The following SYNE1 variants were observed in gnomAD, a reference collection of about 807,000 sequenced individuals.
The protein encoded by SYNE1 is spectrin repeat containing nuclear envelope protein 1, also known as nesprin-1.
Under a neutral mutation model 1,111.0 loss-of-function variants are expected in SYNE1, and 616 were observed. The observed-to-expected ratio is 0.55, with a 90% CI of 0.52 to 0.59. The LOEUF is 0.59. SYNE1 is among the 20% of genes least tolerant of loss of function. The pLI is 0.00. For missense variants in SYNE1, 10,006 were observed against 10,417.0 expected (o/e 0.96, Z 1.72); for synonymous variants, 3,855 against 3,825.8 (o/e 1.01, Z -0.28).
Position 152,310,732 on chromosome 6 carries a change from G to T in SYNE1, c.16852C>A (p.Gln5618Lys). 6.2e-7 allele frequency: 1 copy of T among 1,612,908 alleles called. No individual in the cohort carries two copies. The highest frequency in any genetic ancestry group is 8.5e-7 in the Non-Finnish European group (1 of 1,179,890). Reference sequence around the variant, plus strand: ...TTCTGCAAACGAATTTTGATCATCTGTCGCAACTCCTCAGTCTCCCGTCCC... The same window carrying T: ...TTCTGCAAACGAATTTTGATCATCTTTCGCAACTCCTCAGTCTCCCGTCCC... ...ELGRETEELRQMIKIRLQNLQ... is the reference protein window; with the variant it reads ...ELGRETEELRKMIKIRLQNLQ... The change falls in exon 88 of 146, where the codon CAG (glutamine) becomes AAG (lysine). Residue 5618 changes from glutamine to lysine, a missense_variant. Physicochemically the swap from Gln to Lys is moderately conservative, Grantham distance 53. This residue lies in a region of SYNE1 where 4,955 missense variants were observed against 5,017.2 expected (regional missense o/e 0.99). Transcript: ENST00000367255.
intron 121 of SYNE1, 102 bp downstream of exon 121, chr6:152,218,155 G>C (rs1285799031): frequency 7.3e-7 from 1 of 1,367,742 alleles, no homozygotes; most frequent in East Asian, 2.3e-5. Context: ...TCACACCACG[G>C]CACTCCAGCT....
At chr6:152,604,710 C>T (rs1395715308) in intron 3 of SYNE1, among the ~76,000 whole-genome samples, 1 of 151,700 alleles carries the variant, frequency 6.6e-6, no homozygotes, top group Non-Finnish European at 1.5e-5. Context: ...GAAGTCAAGG[C>T]AGGCGGATCA....
chr6:152,167,645 C>T (rs2063946074), intron 130 of SYNE1: 1 of 439,848 alleles, frequency 2.3e-6, no homozygotes, highest in South Asian at 1.8e-5. Flanking sequence ...CTCAAACACA[C>T]AGCATTTTCT....
In SYNE1 at chr6:152,299,173, A is replaced by G. The variant is rs1224400589; in HGVS notation, c.17682+1468T>C. Among the ~76,000 whole-genome samples, 5 of 152,320 alleles carry G rather than the reference A, an allele frequency of 3.3e-5. No homozygotes were observed. The East Asian group carries it at 5.8e-4, about 18-fold the overall frequency. ...GGAGATTTACAGTTTTAGAAAAGGT[A>G]TATTTTTTCCACAAAGTCTCAAATA... On this transcript the variant is annotated intron_variant, in intron 93 of 145. Transcript: ENST00000367255.
chr6:152,627,380 C>T (rs564792680), intron 3 of SYNE1, among the ~76,000 whole-genome samples: 43 of 151,788 alleles, frequency 2.8e-4, no homozygotes, highest in East Asian at 2.7e-3. Context: ...CAGCCGGGCA[C>T]GGTGGCTCAT....
intron 47 of SYNE1, among the ~76,000 whole-genome samples, chr6:152,400,876 A>T (rs951066913): frequency 6.6e-6 from 1 of 151,890 alleles, no homozygotes; most frequent in Non-Finnish European, 1.5e-5. Context: ...AGAAAAAAAA[A>T]CTTTGAACAA....
intron 39 of SYNE1, among the ~76,000 whole-genome samples, chr6:152,420,657 T>A (rs2098243649): frequency 6.6e-6 from 1 of 152,090 alleles, no homozygotes; most frequent in Non-Finnish European, 1.5e-5. Flanking sequence ...TAAAAATACA[T>A]TCGTGAGATT....
chr6:152,352,059 A>C lies in SYNE1; in HGVS notation c.11548T>G (p.Tyr3850Asp), dbSNP rs775553324. ...HVPEEPKMEL[Y>D]EKKAQLSKYK... Reference sequence around the variant, plus strand: ...TTAGATAACTGAGCTTTTTTCTCATATAATTCCATTTTGGGTTCTTCAGGA... The same window carrying C: ...TTAGATAACTGAGCTTTTTTCTCATCTAATTCCATTTTGGGTTCTTCAGGA... Residue 3850 changes from tyrosine (Y) to aspartate (D), a missense_variant, in exon 70 of 146, where the codon TAT (tyrosine) becomes GAT (aspartate). Physicochemically the swap from Tyr to Asp is radical, Grantham distance 160. Around this residue, in one of 7 missense-constraint regions of SYNE1, gnomAD observed 4,955 missense variants for 5,017.2 expected, o/e 0.99. Coordinates refer to ENST00000367255, the MANE Select transcript of SYNE1 (RefSeq NM_182961.4). 5.6e-6 allele frequency: 9 copies of C among 1,614,206 alleles called. No homozygotes were observed. Among genetic ancestry groups the C allele is most frequent in the African/African-American group, 1.3e-5 (1 of 75,068 alleles).
At chr6:152,243,859 G>C (rs17082381) in intron 106 of SYNE1, among the ~76,000 whole-genome samples, 16,416 of 152,124 alleles carry the variant, frequency 0.11, 1,084 homozygotes, top group African/African-American at 0.17. Context: ...TTGCCTAGTT[G>C]ATGCTAAATT....
intron 134 of SYNE1, 128 bp from the exon 135 acceptor site, chr6:152,151,818 TC>T (rs1296166511): frequency 1.3e-6 from 2 of 1,486,862 alleles, no homozygotes; most frequent in Admixed American, 2.0e-5. Flanking sequence ...AAGCCTGCAA[TC>T]CTTTGCTATA....
Position 152,544,634 on chromosome 6 carries a change from G to A in SYNE1, c.68-4613C>T, listed in dbSNP as rs186797167. 2.3e-3 allele frequency among the ~76,000 whole-genome samples: 356 copies of A among 152,194 alleles called. 1 individual carries two copies. The highest frequency in any genetic ancestry group is 0.014 in the Middle Eastern group (4 of 292). ...TTTCTCAGTGTTTTGCCATTTCAGG[G>A]CAAGATCATGACATACAACAAATGC... On this transcript the variant is annotated intron_variant, in intron 3 of 145. Coordinates refer to ENST00000367255, the MANE Select transcript of SYNE1 (RefSeq NM_182961.4).
chr6:152,198,495 G>A (rs1023885550), intron 127 of SYNE1, among the ~76,000 whole-genome samples: 1 of 152,168 alleles, frequency 6.6e-6, no homozygotes, highest in Non-Finnish European at 1.5e-5. Context: ...TTCACAACCT[G>A]GCTGTTTGTG....
intron 145 of SYNE1, chr6:152,125,408 G>C (rs1195221475): frequency 3.6e-5 from 54 of 1,509,770 alleles, no homozygotes; most frequent in Non-Finnish European, 4.8e-5. Context: ...GTGTGGACGT[G>C]GGGACATTTT....
chr6:152,405,836 T>A (rs958908246), intron 45 of SYNE1, among the ~76,000 whole-genome samples: 2 of 152,186 alleles, frequency 1.3e-5, no homozygotes, highest in African/African-American at 4.8e-5. Context: ...TAATAAAACA[T>A]TTAGAATGTT....
chr6:152,463,999 A>G (rs2098749975), intron 18 of SYNE1, among the ~76,000 whole-genome samples: 1 of 152,126 alleles, frequency 6.6e-6, no homozygotes, highest in African/African-American at 2.4e-5. Flanking sequence ...TTCCTTTTTA[A>G]AGAAAGAATA....
chr6:152,201,473 C>CTT (rs199617709), intron 127 of SYNE1, among the ~76,000 whole-genome samples: 1 of 140,488 alleles, frequency 7.1e-6, no homozygotes, highest in African/African-American at 2.6e-5. Context: ...GCTGTTGATC[C>CTT]TTTTTTTTTT....
chr6:152,255,673 C>A lies in SYNE1; in HGVS notation c.19178G>T (p.Trp6393Leu), dbSNP rs1399501361. Reference protein sequence around the residue: ...LYDGVSATSTWLDDVEERLFV... With the variant: ...LYDGVSATSTLLDDVEERLFV... ...TAAACGTTCTTCAACGTCATCCAAC[C>A]AAGTAGAGGTGGCTGAGACTCCATC... Residue 6393 changes from tryptophan to leucine, a missense_variant, in exon 103 of 146, where the codon TGG becomes TTG. By Grantham distance (61) the Trp-to-Leu change is moderately conservative. Transcript: ENST00000367255. 6.2e-7 allele frequency: 1 copy of A among 1,614,162 alleles called. No individual in the cohort carries two copies. The highest frequency in any genetic ancestry group is 8.5e-7 in the Non-Finnish European group (1 of 1,180,020).
At chr6:152,521,593 AT>A (rs2099140181) in intron 5 of SYNE1, among the ~76,000 whole-genome samples, 1 of 152,110 alleles carries the variant, frequency 6.6e-6, no homozygotes, top group Non-Finnish European at 1.5e-5. Context: ...TGCAGTCTCC[AT>A]TTACATTTCC....
At chr6:152,534,099 C>T (rs2099220317) in intron 4 of SYNE1, among the ~76,000 whole-genome samples, 1 of 151,726 alleles carries the variant, frequency 6.6e-6, no homozygotes, top group Non-Finnish European at 1.5e-5. Context: ...GAGGAGGTTG[C>T]AGTGATCCAA....
Sources: gnomAD v4.1 joint callset for allele counts (sites outside exome capture counted in the v4.1 genomes callset) on GRCh38, gnomAD v4.1.1 for gene constraint, gnomAD v4.1.1 regional missense constraint, MANE v1.5 for transcripts, NCBI Gene and HGNC (gene_info 2026-07-23, HGNC 2026-07-21) for gene names.